DENND1B: variants seen among roughly 807,000 people sequenced by gnomAD.
DENND1B encodes DENN domain containing 1B.
In DENND1B, 59 loss-of-function variants were observed where a neutral mutation model predicts 90.1. That is an observed-to-expected ratio of 0.65 (90% CI 0.53 to 0.81). The LOEUF (loss-of-function observed/expected upper bound fraction) is 0.81, where lower values mean the gene tolerates loss of function less well. Ranked by LOEUF, DENND1B falls within the 40% of genes least tolerant of loss-of-function variation. DENND1B has a pLI of 0.00. For missense variants in DENND1B, 862 were observed against 912.6 expected (o/e 0.94, Z 0.71); for synonymous variants, 337 against 324.6 (o/e 1.04, Z -0.41).
intron 14 of DENND1B, 93 bp downstream of exon 14, chr1:197,595,115 G>T: frequency 7.2e-7 from 1 of 1,380,118 alleles, no homozygotes; most frequent in South Asian, 1.5e-5. Context: ...ATTTTTTGAA[G>T]GTGTAATATT....
intron 10 of DENND1B, among the ~76,000 whole-genome samples, chr1:197,626,961 T>C (rs1678807559): frequency 6.6e-6 from 1 of 151,956 alleles, no homozygotes. Context: ...ACACACACCC[T>C]CCCAAGACTA....
intron 2 of DENND1B, among the ~76,000 whole-genome samples, chr1:197,719,611 T>C (rs1660969414): frequency 6.6e-6 from 1 of 152,178 alleles, no homozygotes; most frequent in Non-Finnish European, 1.5e-5. Flanking sequence ...AAATAACCAT[T>C]TCAGGCAGAG....
In DENND1B at chr1:197,751,054, A is replaced by G. The variant is rs147340425; in HGVS notation, c.82+21814T>C. Among the ~76,000 whole-genome samples the G allele has an allele frequency of 9.8e-4, 149 of 152,294 alleles. 1 individual carries two copies. The highest frequency in any genetic ancestry group is 3.5e-3 in the African/African-American group (145 of 41,570). On this transcript the variant is annotated intron_variant, in intron 2 of 22. Coordinates refer to ENST00000620048, the MANE Select transcript of DENND1B (RefSeq NM_001195215.2). Reference sequence around the variant, plus strand: ...AGAAACAGATCCAAAAAATAAAAACATAAAAGGTTCGAAAAGCACTATCAA... The same window carrying G: ...AGAAACAGATCCAAAAAATAAAAACGTAAAAGGTTCGAAAAGCACTATCAA...
At chr1:197,683,648 C>T (rs568795149) in intron 3 of DENND1B, among the ~76,000 whole-genome samples, 7 of 152,228 alleles carry the variant, frequency 4.6e-5, no homozygotes, top group African/African-American at 1.4e-4. Flanking sequence ...ATTGTATTCT[C>T]CAATGTTACG....
At chr1:197,610,162 T>G (rs1677052430) in intron 12 of DENND1B, among the ~76,000 whole-genome samples, 1 of 150,714 alleles carries the variant, frequency 6.6e-6, no homozygotes, top group Admixed American at 6.6e-5. Context: ...GACACTTAGA[T>G]AAGTCCAGAG....
rs560373475 is a variant in DENND1B at position 197,775,130 on chromosome 1, C to G, written c.17+9G>C. The G allele has an allele frequency of 4.3e-4, 550 of 1,291,204 alleles. 2 individuals carry two copies. In the African/African-American group the frequency reaches 7.5e-3, roughly 18 times the overall value. 80.0% of individuals were successfully genotyped at this position (1,291,204 alleles called of 1,614,324 possible). On this transcript the variant is annotated intron_variant, in intron 1 of 22. Transcript: ENST00000620048. ...CCCGCCCCCGACGCGCCCGGGCCCC[C>G]CCACTCACTTGGTCCTGCAGTCCAT...
intron 2 of DENND1B, among the ~76,000 whole-genome samples, chr1:197,741,563 T>G (rs1017391854): frequency 6.6e-6 from 1 of 152,160 alleles, no homozygotes; most frequent in African/African-American, 2.4e-5. Flanking sequence ...TTTAAAGTAA[T>G]TATAAAGTAA....
At chr1:197,511,619 CTACT>C in intron 22 of DENND1B, 105 bp downstream of exon 22, 1 of 675,890 alleles carries the variant, frequency 1.5e-6, no homozygotes, top group Non-Finnish European at 2.2e-6. Context: ...TGACCCTTAC[CTACT>C]TAGAGGTTAA....
At chr1:197,648,246 T>G (rs1680909418) in intron 7 of DENND1B, among the ~76,000 whole-genome samples, 1 of 152,126 alleles carries the variant, frequency 6.6e-6, no homozygotes, top group Admixed American at 6.6e-5. Flanking sequence ...CAAAACAACT[T>G]TCTCAAAAGT....
chr1:197,680,199 C>T (rs1346701323), intron 3 of DENND1B, among the ~76,000 whole-genome samples: 1 of 99,054 alleles, frequency 1.0e-5, no homozygotes, highest in Non-Finnish European at 2.4e-5. Context: ...TTACCCAGCT[C>T]TATCTAAGAA....
chr1:197,724,146 G>C (rs1248727549), intron 2 of DENND1B, among the ~76,000 whole-genome samples: 3 of 152,008 alleles, frequency 2.0e-5, no homozygotes, highest in Non-Finnish European at 4.4e-5. Context: ...CCAATGACTT[G>C]AGAATAAGCT....
At chr1:197,700,490 A>C (rs1226401305) in intron 3 of DENND1B, among the ~76,000 whole-genome samples, 1 of 152,104 alleles carries the variant, frequency 6.6e-6, no homozygotes, top group African/African-American at 2.4e-5. Context: ...TTAAATGTAA[A>C]ACCAAAAACC....
intron 2 of DENND1B, among the ~76,000 whole-genome samples, chr1:197,739,994 T>C (rs1663065672): frequency 6.6e-6 from 1 of 152,216 alleles, no homozygotes; most frequent in Admixed American, 6.5e-5. Context: ...CTATCAAATA[T>C]AATTTTGCAT....
chr1:197,540,070 T>C lies in DENND1B; in HGVS notation c.1409A>G (p.Glu470Gly). The change falls in exon 20 of 23, where the codon GAA (glutamate) becomes GGA (glycine). Residue 470 changes from glutamate (E) to glycine (G), a missense_variant and splice_region_variant. Coordinates refer to ENST00000620048, the MANE Select transcript of DENND1B (RefSeq NM_001195215.2). ...KEVKSKLKHKENEEDYGTCSS... is the reference protein window; with the variant it reads ...KEVKSKLKHKGNEEDYGTCSS... ...ACAGGTCCCATAATCTTCTTCATTT[T>C]CCTACACATGAAAAAATATACAGGC... The C allele has an allele frequency of 6.3e-7, 1 of 1,598,202 alleles. No individual in the cohort carries two copies. Among genetic ancestry groups the C allele is most frequent in the Non-Finnish European group, 8.5e-7 (1 of 1,171,074 alleles).
chr1:197,651,659 T>C (rs1653199115), intron 7 of DENND1B, among the ~76,000 whole-genome samples: 1 of 129,368 alleles, frequency 7.7e-6, no homozygotes, highest in South Asian at 2.7e-4. Context: ...TTTTTTTTTT[T>C]TTTTTTTTTT....
At chr1:197,574,474 C>T (rs1489380750) in intron 15 of DENND1B, among the ~76,000 whole-genome samples, 1 of 152,184 alleles carries the variant, frequency 6.6e-6, no homozygotes, top group African/African-American at 2.4e-5. Flanking sequence ...ATTCCACATT[C>T]ATGGATAGGA....
At chr1:197,769,301 C>A (rs921132344) in intron 2 of DENND1B, among the ~76,000 whole-genome samples, 2 of 152,096 alleles carry the variant, frequency 1.3e-5, no homozygotes, top group Non-Finnish European at 2.9e-5. Flanking sequence ...TTACCTCTAC[C>A]CCACCAATGA....
At position 197,629,767 on chromosome 1, in the gene DENND1B, C is replaced by T. The variant is rs183576873; in HGVS notation, c.673-12008G>A. On this transcript the variant is annotated intron_variant, in intron 10 of 22. Transcript: ENST00000620048. ...GTCAAGAAAATTTAAAAAGCAGCCA[C>T]GGACTTTAGAGGAAATATTTGCAGA... Among the ~76,000 whole-genome samples, 35 of 151,932 alleles carry T rather than the reference C, an allele frequency of 2.3e-4. No individual in the cohort carries two copies. The East Asian group carries it at 5.4e-3, about 23-fold the overall frequency.
intron 3 of DENND1B, among the ~76,000 whole-genome samples, chr1:197,693,469 T>C (rs1197345255): frequency 6.6e-6 from 1 of 151,688 alleles, no homozygotes; most frequent in Non-Finnish European, 1.5e-5. Context: ...TTAAAATATT[T>C]TTATGAAATA....
Sources: gnomAD v4.1 joint callset for allele counts (sites outside exome capture counted in the v4.1 genomes callset) on GRCh38, gnomAD v4.1.1 for gene constraint, MANE v1.5 for transcripts, NCBI Gene and HGNC (gene_info 2026-07-23, HGNC 2026-07-21) for gene names.